ST6GALNAC5: variants seen among roughly 807,000 people sequenced by gnomAD.
ST6GALNAC5 encodes the protein alpha-N-acetylgalactosaminide alpha-2,6-sialyltransferase 5.
In ST6GALNAC5, 27 loss-of-function variants were observed where a neutral mutation model predicts 33.6. The ratio of observed to expected loss-of-function variants is 0.80; its 90% confidence interval spans 0.59 to 1.11. ST6GALNAC5 has a LOEUF of 1.11. Ranked by LOEUF, ST6GALNAC5 falls within the 50% of genes least tolerant of loss-of-function variation. The pLI, the probability that ST6GALNAC5 is intolerant of heterozygous loss-of-function variation, is 0.00. For missense variants in ST6GALNAC5, 428 were observed against 454.0 expected (o/e 0.94, Z 0.52); for synonymous variants, 194 against 171.2 (o/e 1.13, Z -1.04).
intron 2 of ST6GALNAC5, among the ~76,000 whole-genome samples, chr1:77,010,981 C>A (rs1182725498): frequency 1.3e-5 from 2 of 152,194 alleles, no homozygotes; most frequent in African/African-American, 4.8e-5. Context: ...GTCTTCATCC[C>A]CTGCCGTTTG....
intron 2 of ST6GALNAC5, among the ~76,000 whole-genome samples, chr1:76,965,684 T>C (rs1648441186): frequency 6.6e-6 from 1 of 152,224 alleles, no homozygotes; most frequent in South Asian, 2.1e-4. Context: ...TCCTTGCCCA[T>C]GCCTATGTCC....
chr1:76,899,380 T>A (rs1275043935), intron 2 of ST6GALNAC5, among the ~76,000 whole-genome samples: 1 of 151,030 alleles, frequency 6.6e-6, no homozygotes, highest in African/African-American at 2.4e-5. Flanking sequence ...AAATAAGGGG[T>A]TGGGGCACAG....
chr1:77,014,149 T>C (rs1650739246), intron 2 of ST6GALNAC5, among the ~76,000 whole-genome samples: 2 of 152,222 alleles, frequency 1.3e-5, no homozygotes, highest in Admixed American at 6.5e-5. Context: ...TATTTCATAA[T>C]TGATATGTTG....
intron 2 of ST6GALNAC5, among the ~76,000 whole-genome samples, chr1:76,941,853 T>A (rs972185301): frequency 6.6e-6 from 1 of 152,068 alleles, no homozygotes; most frequent in Non-Finnish European, 1.5e-5. Flanking sequence ...AGCCACCAGG[T>A]ATGTGGCAAT....
At chr1:77,004,241 T>A (rs1650295357) in intron 2 of ST6GALNAC5, among the ~76,000 whole-genome samples, 1 of 151,056 alleles carries the variant, frequency 6.6e-6, no homozygotes, top group Non-Finnish European at 1.5e-5. Context: ...TTTCATTCAT[T>A]TCATCTTCCA....
intron 2 of ST6GALNAC5, among the ~76,000 whole-genome samples, chr1:76,937,447 A>G (rs1456726923): frequency 1.3e-5 from 2 of 152,182 alleles, no homozygotes; most frequent in Non-Finnish European, 2.9e-5. Flanking sequence ...TAACTTCATG[A>G]TGAAGTTTTT....
At chr1:77,035,109 A>G (rs553286399) in intron 2 of ST6GALNAC5, among the ~76,000 whole-genome samples, 1 of 152,284 alleles carries the variant, frequency 6.6e-6, no homozygotes, top group South Asian at 2.1e-4. Flanking sequence ...CATCTGATTC[A>G]GAAGGTCTAG....
chr1:77,029,180 A>C (rs1651358577), intron 2 of ST6GALNAC5, among the ~76,000 whole-genome samples: 1 of 152,218 alleles, frequency 6.6e-6, no homozygotes, highest in African/African-American at 2.4e-5. Context: ...GAAAGAACAC[A>C]TGACTCCTGC....
rs141638893 is a variant in ST6GALNAC5 at position 76,915,749 on chromosome 1, C to T, written c.261+47007C>T. On this transcript the variant is annotated intron_variant, in intron 2 of 4. Transcript: ENST00000477717. The stretch of plus-strand genomic sequence containing the variant: ...AGGAGATATACCTAATGCTAAATGA[C>T]GAGTTAATGGGTGCTGCACACCAGC... Among the ~76,000 whole-genome samples, 48 of 151,348 alleles carry T rather than the reference C, an allele frequency of 3.2e-4. 1 individual carries two copies. The highest frequency in any genetic ancestry group is 5.9e-4 in the East Asian group (3 of 5,104).
intron 2 of ST6GALNAC5, among the ~76,000 whole-genome samples, chr1:76,872,504 A>T (rs970992034): frequency 6.6e-6 from 1 of 152,152 alleles, no homozygotes; most frequent in African/African-American, 2.4e-5. Context: ...GACAAATCAA[A>T]ATTGCTTAGT....
chr1:76,934,819 G>T (rs1376020484), intron 2 of ST6GALNAC5, among the ~76,000 whole-genome samples: 1 of 151,970 alleles, frequency 6.6e-6, no homozygotes, highest in Non-Finnish European at 1.5e-5. Context: ...AAGAAATAAA[G>T]GCAATCTCCT....
intron 2 of ST6GALNAC5, among the ~76,000 whole-genome samples, chr1:76,980,327 T>A (rs1208808699): frequency 6.6e-6 from 1 of 152,152 alleles, no homozygotes; most frequent in African/African-American, 2.4e-5. Flanking sequence ...TATTGACCAT[T>A]GTTTTCTGAA....
chr1:76,926,104 G>A (rs190685055), intron 2 of ST6GALNAC5, among the ~76,000 whole-genome samples: 1 of 152,276 alleles, frequency 6.6e-6, no homozygotes, highest in African/African-American at 2.4e-5. Flanking sequence ...GTAGGCACCA[G>A]CAATTCCATG....
At chr1:76,977,944 A>C (rs1307688596) in intron 2 of ST6GALNAC5, among the ~76,000 whole-genome samples, 1 of 152,138 alleles carries the variant, frequency 6.6e-6, no homozygotes, top group Non-Finnish European at 1.5e-5. Flanking sequence ...ATTACCAACA[A>C]GTCATAAGAG....
At chr1:76,897,818 T>C (rs1056504088) in intron 2 of ST6GALNAC5, among the ~76,000 whole-genome samples, 2 of 151,664 alleles carry the variant, frequency 1.3e-5, no homozygotes, top group African/African-American at 4.9e-5. Flanking sequence ...GGCACCAGAG[T>C]TGGGAAGTTT....
At chr1:76,944,537 C>T (rs186002448) in intron 2 of ST6GALNAC5, among the ~76,000 whole-genome samples, 3 of 152,012 alleles carry the variant, frequency 2.0e-5, no homozygotes, top group Non-Finnish European at 2.9e-5. Flanking sequence ...ACATTAGGGC[C>T]GGGATTTTTG....
At chr1:76,948,383 G>A (rs1200314455) in intron 2 of ST6GALNAC5, among the ~76,000 whole-genome samples, 1 of 152,126 alleles carries the variant, frequency 6.6e-6, no homozygotes, top group Non-Finnish European at 1.5e-5. Flanking sequence ...TCTCTCCTCA[G>A]GGCTGTGCTG....
chr1:77,022,508 C>A (rs1308545178), intron 2 of ST6GALNAC5, among the ~76,000 whole-genome samples: 1 of 152,080 alleles, frequency 6.6e-6, no homozygotes, highest in Non-Finnish European at 1.5e-5. Flanking sequence ...TCATGGGACT[C>A]AAAACTTTAA....
At chr1:77,024,504 C>A (rs1192182537) in intron 2 of ST6GALNAC5, among the ~76,000 whole-genome samples, 2 of 152,212 alleles carry the variant, frequency 1.3e-5, no homozygotes, top group Non-Finnish European at 2.9e-5. Flanking sequence ...CTCCCAGGGG[C>A]TCACTGAAAA....
Sources: gnomAD v4.1 joint callset for allele counts (sites outside exome capture counted in the v4.1 genomes callset) on GRCh38, gnomAD v4.1.1 for gene constraint, MANE v1.5 for transcripts, NCBI Gene and HGNC (gene_info 2026-07-23, HGNC 2026-07-21) for gene names.